Variants in CELSR1 observed in about 807,000 individuals in gnomAD.
CELSR1 encodes the protein adhesion G protein-coupled receptor C1.
Under a neutral mutation model 249.1 loss-of-function variants are expected in CELSR1, and 110 were observed. That is an observed-to-expected ratio of 0.44 (90% CI 0.38 to 0.52). The LOEUF is 0.52. CELSR1 is among the 20% of genes least tolerant of loss of function. The pLI, the probability that CELSR1 is intolerant of heterozygous loss-of-function variation, is 0.00. For synonymous variants in CELSR1, 2,113 were observed against 1,900.0 expected (o/e 1.11, Z -2.92); for missense variants, 4,109 against 4,296.4 (o/e 0.96, Z 1.22).
chr22:46,373,081 C>G, intron 24 of CELSR1, 24 bp from the exon 25 acceptor site: 1 of 1,560,850 alleles, frequency 6.4e-7, no homozygotes, highest in East Asian at 2.3e-5. Flanking sequence ...GGCCGCTCAG[C>G]AAGGGCCCCT....
chr22:46,509,088 G>A (rs915958874), intron 1 of CELSR1, among the ~76,000 whole-genome samples: 1 of 152,198 alleles, frequency 6.6e-6, no homozygotes, highest in Admixed American at 6.5e-5. Context: ...TCCTGTCCCT[G>A]TATCTGGCAC....
chr22:46,493,549 A>G (rs1400419426), intron 1 of CELSR1, among the ~76,000 whole-genome samples: 8 of 151,228 alleles, frequency 5.3e-5, no homozygotes, highest in Non-Finnish European at 1.0e-4. Context: ...CCGTCTCAAA[A>G]AAAAAAAAAA....
At chr22:46,370,616 G>C (rs1369371086) in intron 25 of CELSR1, among the ~76,000 whole-genome samples, 1 of 152,160 alleles carries the variant, frequency 6.6e-6, no homozygotes, top group Non-Finnish European at 1.5e-5. Context: ...TGGTCTTTCT[G>C]TGCCCCTTGC....
chr22:46,536,878 G>A lies in CELSR1; in HGVS notation c.293C>T (p.Pro98Leu), dbSNP rs1465526770. The change falls in exon 1 of 35, where the codon CCG becomes CTG. Residue 98 changes from proline (P) to leucine (L), a missense_variant. Physicochemically the swap from Pro to Leu is moderately conservative, Grantham distance 98. Around this residue, in one of 7 missense-constraint regions of CELSR1, gnomAD observed 673 missense variants for 636.8 expected, o/e 1.06. Coordinates refer to ENST00000674500, the MANE Select transcript of CELSR1 (RefSeq NM_001378328.1). The stretch of plus-strand genomic sequence containing the variant: ...CCGCAGGCGGCGGCTCAGCGCCGTC[G>A]GGGCACTGCGGGCCACCAAGCGGAC... ...LQVRLVARSA[P>L]TALSRRLRAR... 1.6e-6 allele frequency: 2 copies of A among 1,227,198 alleles called. No individual in the cohort carries two copies. The highest frequency in any genetic ancestry group is 4.0e-5 in the Admixed American group (1 of 25,252). The allele number at this position is 1,227,198 out of a possible 1,614,324, so 76.0% of individuals were successfully genotyped here.
At chr22:46,531,030 T>C (rs1209279138) in intron 1 of CELSR1, among the ~76,000 whole-genome samples, 1 of 152,212 alleles carries the variant, frequency 6.6e-6, no homozygotes, top group Non-Finnish European at 1.5e-5. Context: ...TGTTCCTTAA[T>C]AAAACCTCCA....
At chr22:46,372,014 T>G (rs1321098010) in intron 25 of CELSR1, among the ~76,000 whole-genome samples, 1 of 140,020 alleles carries the variant, frequency 7.1e-6, no homozygotes, top group Non-Finnish European at 1.5e-5. Context: ...CATCCATCTA[T>G]TCACCCATCT....
At chr22:46,524,746 C>T (rs925484784) in intron 1 of CELSR1, among the ~76,000 whole-genome samples, 1 of 152,168 alleles carries the variant, frequency 6.6e-6, no homozygotes, top group East Asian at 1.9e-4. Flanking sequence ...CAAGTCCTTA[C>T]CCGAAGCAAA....
rs994166989 is a variant in CELSR1, at chr22:46,409,254, G to A, written c.5060-92C>T. On this transcript the variant is annotated intron_variant, in intron 8 of 34. Transcript: ENST00000674500. The surrounding 1 kb of genome is among the most constrained non-coding windows in gnomAD (Gnocchi z 9.8). ...GGGCGGGGGATGGGCCTGCAGGCTAGGCCTGGGCCTTTTTCACTTTAACAC... is the reference window on the plus strand; with the variant it reads ...GGGCGGGGGATGGGCCTGCAGGCTAAGCCTGGGCCTTTTTCACTTTAACAC... 49 of 1,361,956 alleles carry A rather than the reference G, an allele frequency of 3.6e-5. No homozygotes were observed. The African/African-American group carries it at 6.8e-4, about 19-fold the overall frequency. The allele number at this position is 1,361,956 out of a possible 1,614,324, so 84.4% of individuals were successfully genotyped here. A position where few individuals can be genotyped will look rare whatever the true frequency, so the allele number is the denominator to read the frequency against.
At chr22:46,422,844 T>C (rs2079493563) in intron 5 of CELSR1, among the ~76,000 whole-genome samples, 1 of 151,480 alleles carries the variant, frequency 6.6e-6, no homozygotes, top group Non-Finnish European at 1.5e-5. Context: ...AGAACTCAAG[T>C]GCATGTAAGA....
chr22:46,475,083 C>T (rs373086512), intron 1 of CELSR1, among the ~76,000 whole-genome samples: 1 of 152,258 alleles, frequency 6.6e-6, no homozygotes, highest in East Asian at 1.9e-4. Flanking sequence ...GTTTCAAAGG[C>T]ACACTTATTC....
rs754496686 is a variant in CELSR1 at position 46,433,420 on chromosome 22, G to A, written c.4584C>T (p.His1528=). Residue 1528 remains histidine (H), a synonymous_variant, in exon 5 of 35, where the codon CAC becomes CAT. Transcript: ENST00000674500. This position sits in a 1 kb window ranked among gnomAD's most constrained non-coding sequence, Gnocchi z 5.7. ...VPSGVSDGRW[H]SVQVQYYNKP... Reference sequence around the variant, plus strand: ...TGTTGTAGTACTGCACCTGCACAGAGTGCCACCGCCCGTCACTCACACCAC... The same window carrying A: ...TGTTGTAGTACTGCACCTGCACAGAATGCCACCGCCCGTCACTCACACCAC... The A allele has an allele frequency of 3.1e-6, 5 of 1,613,952 alleles. No homozygotes were observed. The Admixed American group carries it at 8.3e-5, about 27-fold the overall frequency.
rs1300388228 is a variant in CELSR1 at position 46,468,360 on chromosome 22, T to C, written c.3545-4015A>G. 6.9e-6 allele frequency among the ~76,000 whole-genome samples: 1 copy of C among 144,996 alleles called. No individual in the cohort carries two copies. The highest frequency in any genetic ancestry group is 1.5e-5 in the Non-Finnish European group (1 of 67,042). On this transcript the variant is annotated intron_variant, in intron 1 of 34. Transcript: ENST00000674500. This position sits in a 1 kb window ranked among gnomAD's most constrained non-coding sequence, Gnocchi z 4.5. Reference sequence around the variant, plus strand: ...AAGATCATACCACTGCACTCCAGCCTGGGCAACAAAGCAAGACTCTGTCTC... The same window carrying C: ...AAGATCATACCACTGCACTCCAGCCCGGGCAACAAAGCAAGACTCTGTCTC...
At position 46,368,867 on chromosome 22, in the gene CELSR1, C is replaced by T. The variant is rs999469143; in HGVS notation, c.7952+312G>A. Among the ~76,000 whole-genome samples, 3 of 152,130 alleles carry T rather than the reference C, an allele frequency of 2.0e-5. 1 individual carries two copies. Among genetic ancestry groups the T allele is most frequent in the Non-Finnish European group, 1.5e-5 (1 of 68,018 alleles). ...AAAGTTTCATCTCCCCCACCCCACC[C>T]ATCTCCACTCTGGGGATTCCAGACA... is the stretch of plus-strand genomic sequence containing the variant. On this transcript the variant is annotated intron_variant, in intron 27 of 34. Coordinates refer to ENST00000674500, the MANE Select transcript of CELSR1 (RefSeq NM_001378328.1).
chr22:46,466,436 A>G lies in CELSR1; in HGVS notation c.3545-2091T>C, dbSNP rs742407. 6.8e-3 allele frequency among the ~76,000 whole-genome samples: 1,029 copies of G among 152,336 alleles called. 3 individuals carry two copies. The highest frequency in any genetic ancestry group is 0.01 in the African/African-American group (418 of 41,584). ...TCCTGGTGCCCAGAACCCACACTAGAGAGGGCACATCGGGAAGAAGGCAGC... is the reference window on the plus strand; with the variant it reads ...TCCTGGTGCCCAGAACCCACACTAGGGAGGGCACATCGGGAAGAAGGCAGC... On this transcript the variant is annotated intron_variant, in intron 1 of 34. Transcript: ENST00000674500.
rs914245580 is a variant in CELSR1 at position 46,412,024 on chromosome 22, G to A, written c.4612-265C>T. 9.2e-5 allele frequency among the ~76,000 whole-genome samples: 14 copies of A among 152,200 alleles called. No homozygotes were observed. The highest frequency in any genetic ancestry group is 2.9e-4 in the African/African-American group (12 of 41,450). ...TGATGGAATTAGCTAAGATGCGGAC[G>A]TCCTGGAGTAGGCGGGCCCTGATCC... On this transcript the variant is annotated intron_variant, in intron 5 of 34. Coordinates refer to ENST00000674500, the MANE Select transcript of CELSR1 (RefSeq NM_001378328.1). This position sits in a 1 kb window ranked among gnomAD's most constrained non-coding sequence, Gnocchi z 4.5.
At chr22:46,460,339 A>G (rs1305642622) in intron 2 of CELSR1, among the ~76,000 whole-genome samples, 1 of 152,180 alleles carries the variant, frequency 6.6e-6, no homozygotes, top group Admixed American at 6.5e-5. Flanking sequence ...AAGGGAGGAA[A>G]CCTATGATCC....
chr22:46,528,387 A>G (rs1261572640), intron 1 of CELSR1, among the ~76,000 whole-genome samples: 1 of 152,144 alleles, frequency 6.6e-6, no homozygotes, highest in African/African-American at 2.4e-5. Flanking sequence ...GACATGCCTG[A>G]ATGACTCATC....
chr22:46,403,661 C>T (rs1171465239), intron 9 of CELSR1, among the ~76,000 whole-genome samples: 1 of 152,080 alleles, frequency 6.6e-6, no homozygotes, highest in Non-Finnish European at 1.5e-5. Context: ...CTGCAGAGCA[C>T]ACAGGGGCAT....
intron 1 of CELSR1, among the ~76,000 whole-genome samples, chr22:46,502,934 T>C (rs1268990824): frequency 1.3e-5 from 2 of 151,772 alleles, no homozygotes; most frequent in African/African-American, 4.8e-5. Context: ...TGCACAAGAG[T>C]GTGCACCCCG....
Sources: gnomAD v4.1 joint callset for allele counts (sites outside exome capture counted in the v4.1 genomes callset) on GRCh38, gnomAD v4.1.1 for gene constraint, gnomAD v4.1.1 regional missense constraint, Gnocchi (gnomAD v3.1) non-coding constraint, MANE v1.5 for transcripts, NCBI Gene and HGNC (gene_info 2026-07-23, HGNC 2026-07-21) for gene names.